PPP1R12A: variants seen among roughly 807,000 people sequenced by gnomAD.
PPP1R12A encodes protein phosphatase 1 regulatory subunit 12A.
PPP1R12A carries 19 observed loss-of-function variants against 139.6 expected under a neutral mutation model. The observed-to-expected ratio is 0.14, with a 90% CI of 0.09 to 0.20. The LOEUF is 0.20. Among genes scored for constraint, PPP1R12A ranks in the 10% least tolerant of loss-of-function variants. The pLI, the probability that PPP1R12A is intolerant of heterozygous loss-of-function variation, is 1.00. For missense variants in PPP1R12A, 925 were observed against 1,211.5 expected, an observed-to-expected ratio of 0.76 and a Z score of 3.51; for synonymous variants, 427 against 420.6, an observed-to-expected ratio of 1.02 and a Z score of -0.19.
At chr12:79,799,047 T>C (rs1872785167) in intron 14 of PPP1R12A, among the ~76,000 whole-genome samples, 1 of 152,190 alleles carries the variant, frequency 6.6e-6, no homozygotes, top group Non-Finnish European at 1.5e-5. Context: ...CTAAGCATCT[T>C]ACTTAATGAC....
chr12:79,862,292 C>T (rs1460200070), intron 2 of PPP1R12A, among the ~76,000 whole-genome samples: 2 of 152,110 alleles, frequency 1.3e-5, no homozygotes, highest in Non-Finnish European at 2.9e-5. Flanking sequence ...AGGACATCCA[C>T]ACCAAAACCC....
At position 79,807,314 on chromosome 12, in the gene PPP1R12A, G is replaced by C; in HGVS notation, c.1567C>G (p.Arg523Gly). 1 of 1,546,184 alleles carries C rather than the reference G, an allele frequency of 6.5e-7. No homozygotes were observed. The highest frequency in any genetic ancestry group is 1.2e-5 in the South Asian group (1 of 83,294). ...CTCCTTGTATATGAACTACTTGTTCGCAAACTTGAAGAATCTCTGTTAAAA... is the reference window on the plus strand; with the variant it reads ...CTCCTTGTATATGAACTACTTGTTCCCAAACTTGAAGAATCTCTGTTAAAA... The part of the protein sequence containing the change: ...EKENRDSSSL[R>G]TSSSYTRRKW... The change falls in exon 12 of 25, where the codon CGA becomes GGA. Residue 523 changes from arginine (R) to glycine (G), a missense_variant. This residue lies in a region of PPP1R12A where 403 missense variants were observed against 463.7 expected (regional missense o/e 0.87). Coordinates refer to ENST00000450142, the MANE Select transcript of PPP1R12A (RefSeq NM_002480.3).
At position 79,925,021 on chromosome 12, in the gene PPP1R12A, G is replaced by A. The variant is rs371923504; in HGVS notation, c.237+9674C>T. ...ACCTTTATTCACCAGATGCATCTTC[G>A]AATGATATCATTTTCAAAATTTAAA... On this transcript the variant is annotated intron_variant, in intron 1 of 24. Coordinates refer to ENST00000450142, the MANE Select transcript of PPP1R12A (RefSeq NM_002480.3). 8.9e-4 allele frequency among the ~76,000 whole-genome samples: 135 copies of A among 151,652 alleles called. 3 individuals carry two copies. The highest frequency in any genetic ancestry group is 3.1e-3 in the African/African-American group (128 of 41,326).
intron 14 of PPP1R12A, 25 bp downstream of exon 14, chr12:79,805,567 C>T (rs1185336316): frequency 6.2e-7 from 1 of 1,601,500 alleles, no homozygotes; most frequent in Admixed American, 1.7e-5. Flanking sequence ...GATATATCAG[C>T]AGTACTGTTA....
intron 5 of PPP1R12A, among the ~76,000 whole-genome samples, chr12:79,827,370 C>T (rs1192212001): frequency 6.6e-6 from 1 of 152,040 alleles, no homozygotes; most frequent in Non-Finnish European, 1.5e-5. Context: ...ACTCCAAAAA[C>T]AGCAAAAGAA....
intron 1 of PPP1R12A, 135 bp from the exon 2 acceptor site, chr12:79,873,073 G>T: frequency 1.0e-6 from 1 of 1,000,300 alleles, no homozygotes; most frequent in Non-Finnish European, 1.4e-6. Flanking sequence ...CTGCTATCTT[G>T]ACTATACTCC....
At chr12:79,880,421 A>G (rs1054453245) in intron 1 of PPP1R12A, among the ~76,000 whole-genome samples, 3 of 152,216 alleles carry the variant, frequency 2.0e-5, no homozygotes, top group Admixed American at 6.5e-5. Context: ...GGTAGACAGT[A>G]TCTGTAAGTT....
At chr12:79,807,598 T>C (rs1873999761) in intron 11 of PPP1R12A, among the ~76,000 whole-genome samples, 1 of 151,976 alleles carries the variant, frequency 6.6e-6, no homozygotes. Flanking sequence ...GATGCTTACT[T>C]TAACCGCAGA....
At chr12:79,907,691 C>A (rs974010800) in intron 1 of PPP1R12A, among the ~76,000 whole-genome samples, 2 of 152,140 alleles carry the variant, frequency 1.3e-5, no homozygotes, top group Non-Finnish European at 2.9e-5. Flanking sequence ...TTGAGGCCAG[C>A]AGTTCAAGAC....
chr12:79,779,170 A>C, intron 23 of PPP1R12A: 1 of 501,496 alleles, frequency 2.0e-6, no homozygotes, highest in Non-Finnish European at 3.4e-6. Context: ...GTTTATTTTA[A>C]ACTTGTTTCA....
intron 1 of PPP1R12A, among the ~76,000 whole-genome samples, chr12:79,910,579 G>A (rs1424478213): frequency 6.6e-6 from 1 of 151,256 alleles, no homozygotes; most frequent in African/African-American, 2.4e-5. Context: ...TCTTATAAGA[G>A]CTATGTAAAA....
At chr12:79,914,266 C>T (rs1339904875) in intron 1 of PPP1R12A, among the ~76,000 whole-genome samples, 1 of 151,800 alleles carries the variant, frequency 6.6e-6, no homozygotes, top group Admixed American at 6.6e-5. Context: ...CAGTCATGTG[C>T]ATTCACATGA....
chr12:79,820,746 C>A, intron 8 of PPP1R12A, 28 bp downstream of exon 8: 2 of 1,600,050 alleles, frequency 1.2e-6, no homozygotes, highest in Non-Finnish European at 1.7e-6. Context: ...CAAAATTCAA[C>A]GAAAATGCAT....
At chr12:79,811,005 C>T (rs1874455211) in intron 9 of PPP1R12A, among the ~76,000 whole-genome samples, 1 of 152,050 alleles carries the variant, frequency 6.6e-6, no homozygotes, top group African/African-American at 2.4e-5. Flanking sequence ...GGCTTTCCAA[C>T]AACCCTAAAA....
intron 8 of PPP1R12A, among the ~76,000 whole-genome samples, chr12:79,820,192 A>G (rs1245150784): frequency 1.3e-5 from 2 of 152,242 alleles, no homozygotes; most frequent in Non-Finnish European, 2.9e-5. Context: ...GTGACCAAAA[A>G]AGACATCTAT....
intron 2 of PPP1R12A, among the ~76,000 whole-genome samples, chr12:79,865,100 C>T (rs1034955742): frequency 6.6e-6 from 1 of 152,146 alleles, no homozygotes; most frequent in Non-Finnish European, 1.5e-5. Context: ...TTCAGCAGCA[C>T]GTCAAAAAGC....
At chr12:79,846,787 A>G (rs1399257524) in intron 2 of PPP1R12A, among the ~76,000 whole-genome samples, 1 of 152,006 alleles carries the variant, frequency 6.6e-6, no homozygotes, top group Admixed American at 6.6e-5. Flanking sequence ...GCTAGGAGAA[A>G]AGATAATGTA....
At chr12:79,914,462 C>G (rs1886834156) in intron 1 of PPP1R12A, among the ~76,000 whole-genome samples, 1 of 151,952 alleles carries the variant, frequency 6.6e-6, no homozygotes. Context: ...GGTCCTAAAA[C>G]CAAAAAGTCT....
chr12:79,858,956 T>G (rs545634013), intron 2 of PPP1R12A, among the ~76,000 whole-genome samples: 1 of 152,000 alleles, frequency 6.6e-6, no homozygotes, highest in Non-Finnish European at 1.5e-5. Context: ...CAAAATAATT[T>G]AAAATGATCA....
Sources: allele counts gnomAD v4.1 joint callset (sites outside exome capture counted in the v4.1 genomes callset), GRCh38; gene constraint gnomAD v4.1.1; regional missense constraint gnomAD v4.1.1; transcripts MANE v1.5; gene names NCBI Gene and HGNC (gene_info 2026-07-23, HGNC 2026-07-21).